Variants in DMP1 observed in about 807,000 individuals in gnomAD.
DMP1 encodes dentin matrix protein 1.
A neutral mutation model predicts 14.6 loss-of-function variants in DMP1; 20 were observed. That is an observed-to-expected ratio of 1.37 (90% CI 0.96 to 1.99). The LOEUF (loss-of-function observed/expected upper bound fraction) is 1.99, where lower values mean the gene tolerates loss of function less well. Among genes scored for constraint, DMP1 ranks in the 30% most tolerant of loss-of-function variants. The probability of loss-of-function intolerance (pLI) is 0.00; values close to 1 mark genes in which losing one functional copy is unlikely to be tolerated. For missense variants in DMP1, 567 were observed against 620.5 expected, an observed-to-expected ratio of 0.91 and a Z score of 0.92; for synonymous variants, 197 against 215.3, an observed-to-expected ratio of 0.91 and a Z score of 0.75.
intron 1 of DMP1, among the ~76,000 whole-genome samples, chr4:87,655,337 GT>G (rs1728655480): frequency 6.6e-6 from 1 of 152,102 alleles, no homozygotes; most frequent in South Asian, 2.1e-4. Flanking sequence ...AAAACAAAGT[GT>G]TTTCCAAAGC....
In DMP1 at chr4:87,656,557, G is replaced by A. The variant is rs1309023049; in HGVS notation, c.54+11G>A. 1 of 1,585,910 alleles carries A rather than the reference G, an allele frequency of 6.3e-7. No individual in the cohort carries two copies. ...TCCTGTGCTCTCCCAGTAAGTATTA[G>A]GGTAGGGATATATGAAAAAACCCTT... On this transcript the variant is annotated intron_variant, in intron 2 of 5. Transcript: ENST00000339673.
rs747215427 is a variant in DMP1 at position 87,662,045 on chromosome 4, T to C, written c.267T>C (p.Gly89=). The change falls in exon 6 of 6, where the codon GGT becomes GGC. Residue 89 remains glycine (G), a synonymous_variant. Transcript: ENST00000339673. ...DDHQYIYRLA[G]GFSRSTGKGG... is the part of the protein sequence containing the mutation. ...ATCAATACATTTATAGGCTAGCTGG[T>C]GGCTTCTCCAGGAGCACAGGAAAAG... 1.9e-6 allele frequency: 3 copies of C among 1,614,152 alleles called. No homozygotes were observed. The highest frequency in any genetic ancestry group is 1.1e-5 in the South Asian group (1 of 91,082).
At chr4:87,658,121 T>TC (rs1292297972) in intron 3 of DMP1, among the ~76,000 whole-genome samples, 1 of 152,218 alleles carries the variant, frequency 6.6e-6, no homozygotes, top group African/African-American at 2.4e-5. Flanking sequence ...AATGTCTTGC[T>TC]CCCTTCCACC....
At position 87,663,248 on chromosome 4, in the gene DMP1, A is replaced by G. The variant is rs1254093967; in HGVS notation, c.1470A>G (p.Lys490=). The part of the protein sequence containing the change: ...QLKNIEIESR[K]LTVDAYHNKP... ...AAAACATTGAGATAGAGAGCCGGAA[A>G]TTAACAGTTGATGCCTATCACAACA... The change falls in exon 6 of 6, where the codon AAA becomes AAG. Residue 490 remains lysine (K), a synonymous_variant. Coordinates refer to ENST00000339673, the MANE Select transcript of DMP1 (RefSeq NM_004407.4). 6.2e-7 allele frequency: 1 copy of G among 1,614,156 alleles called. No homozygotes were observed. Among genetic ancestry groups the G allele is most frequent in the African/African-American group, 1.3e-5 (1 of 74,950 alleles).
chr4:87,655,878 T>C (rs1728675639), intron 1 of DMP1, among the ~76,000 whole-genome samples: 1 of 152,238 alleles, frequency 6.6e-6, no homozygotes, highest in African/African-American at 2.4e-5. Flanking sequence ...CAATTTATCA[T>C]ACTTTATGTG....
chr4:87,650,457 C>A (rs1728505833), intron 1 of DMP1, 73 bp downstream of exon 1: 1 of 152,054 alleles, frequency 6.6e-6, no homozygotes, highest in South Asian at 2.1e-4. Context: ...AATATGTATA[C>A]ATGTTTGAGG....
chr4:87,659,478 G>A lies in DMP1; in HGVS notation c.183G>A (p.Gln61=). The change falls in exon 5 of 6, where the codon CAG becomes CAA. Residue 61 remains glutamine (Q), a splice_region_variant and synonymous_variant. Coordinates refer to ENST00000339673, the MANE Select transcript of DMP1 (RefSeq NM_004407.4). ...GCAGTAAAGTTAGCTCAGAGGAACAGGTAATTAAACAGACCTTTCTTAACT... is the reference window on the plus strand; with the variant it reads ...GCAGTAAAGTTAGCTCAGAGGAACAAGTAATTAAACAGACCTTTCTTAACT... ...SEGSKVSSEE[Q]ANEDPSDSTQ... The A allele has an allele frequency of 6.2e-7, 1 of 1,613,764 alleles. No individual in the cohort carries two copies. The highest frequency in any genetic ancestry group is 1.1e-5 in the South Asian group (1 of 91,068).
At chr4:87,661,912 C>T (rs756528645) in intron 5 of DMP1, 50 bp from the exon 6 acceptor site, 2 of 1,613,710 alleles carry the variant, frequency 1.2e-6, no homozygotes, top group Admixed American at 3.3e-5. Context: ...ATAACTCCTT[C>T]TCTATCGGTT....
chr4:87,657,044 CAAAAT>C lies in DMP1; in HGVS notation c.70_74del (p.Asn24Ter). The C allele has an allele frequency of 1.3e-6, 2 of 1,555,540 alleles. No homozygotes were observed. The highest frequency in any genetic ancestry group is 1.8e-6 in the Non-Finnish European group (2 of 1,127,278). ...CTAAATTTTCTAGGTAACCAGGTAT[CAAAAT>C]AATGAATCTGAGGATTCTGAAGAAT... is the stretch of plus-strand genomic sequence containing the variant. On this transcript the variant is annotated frameshift_variant, in exon 3 of 6. Coordinates refer to ENST00000339673, the MANE Select transcript of DMP1 (RefSeq NM_004407.4). LOFTEE classifies it high-confidence loss of function.
At chr4:87,657,147 T>C in intron 3 of DMP1, 68 bp downstream of exon 3, 1 of 915,530 alleles carries the variant, frequency 1.1e-6, no homozygotes, top group Admixed American at 1.8e-5. Flanking sequence ...CAAATTGATT[T>C]CATTGCAAAT....
intron 5 of DMP1, among the ~76,000 whole-genome samples, chr4:87,661,257 G>C: frequency 8.3e-6 from 1 of 120,496 alleles, no homozygotes; most frequent in African/African-American, 3.2e-5. Flanking sequence ...GAGTCTCGCT[G>C]TCGCCCAGGC....
intron 2 of DMP1, 116 bp from the exon 3 acceptor site, chr4:87,656,916 A>G (rs1728714891): frequency 2.7e-6 from 2 of 738,834 alleles, no homozygotes; most frequent in Non-Finnish European, 4.9e-6. Flanking sequence ...AAGGCCTCCC[A>G]GTGATTCTGA....
chr4:87,659,296 A>G (rs1371317181), intron 4 of DMP1, 44 bp downstream of exon 4: 10 of 1,609,172 alleles, frequency 6.2e-6, no homozygotes, highest in Non-Finnish European at 8.5e-6. Flanking sequence ...TCATGAAGTA[A>G]CTTTAACACT....
Position 87,663,085 on chromosome 4 carries a change from A to C in DMP1, c.1307A>C (p.His436Pro), listed in dbSNP as rs1728972136. 1 of 1,614,082 alleles carries C rather than the reference A, an allele frequency of 6.2e-7. No individual in the cohort carries two copies. Among genetic ancestry groups the C allele is most frequent in the Admixed American group, 1.7e-5 (1 of 60,008 alleles). ...TCCAGCCAGGAGGGCCTCCAGTCTC[A>C]CAGCAGCTCAGCAGAGAGTCAGAGC... is the stretch of plus-strand genomic sequence containing the variant. ...NSSSQEGLQS[H>P]SSSAESQSEE... The change falls in exon 6 of 6, where the codon CAC becomes CCC. Residue 436 changes from histidine (H) to proline (P), a missense_variant. Transcript: ENST00000339673.
chr4:87,657,985 T>G (rs1454586661), intron 3 of DMP1, among the ~76,000 whole-genome samples: 1 of 152,314 alleles, frequency 6.6e-6, no homozygotes, highest in Admixed American at 6.5e-5. Flanking sequence ...TATTATGAAC[T>G]TTCTTCAGAG....
chr4:87,661,063 G>A (rs939630248), intron 5 of DMP1, among the ~76,000 whole-genome samples: 34 of 152,290 alleles, frequency 2.2e-4, no homozygotes, highest in Admixed American at 9.1e-4. Context: ...GTTTGAGACG[G>A]AGTCTCGCTC....
chr4:87,663,300 G>T lies in DMP1; in HGVS notation c.1522G>T (p.Asp508Tyr). ...NKPIGDQDDN[D>Y]CQDGY ...ACCCATTGGGGACCAAGATGACAAT[G>T]ACTGCCAAGACGGCTATTAGCATCA... Residue 508 changes from aspartate (D) to tyrosine (Y), a missense_variant, in exon 6 of 6, where the codon GAC becomes TAC. Coordinates refer to ENST00000339673, the MANE Select transcript of DMP1 (RefSeq NM_004407.4). The T allele has an allele frequency of 6.2e-7, 1 of 1,614,220 alleles. No homozygotes were observed. Among genetic ancestry groups the T allele is most frequent in the South Asian group, 1.1e-5 (1 of 91,064 alleles).
chr4:87,659,043 A>C, intron 3 of DMP1, 177 bp from the exon 4 acceptor site: 1 of 656,514 alleles, frequency 1.5e-6, no homozygotes, highest in South Asian at 1.9e-5. Context: ...TCAAGCCATT[A>C]GTCATTTTAC....
At chr4:87,657,299 T>C in intron 3 of DMP1, 1 of 427,254 alleles carries the variant, frequency 2.3e-6, no homozygotes, top group South Asian at 3.0e-5. Flanking sequence ...TTATAATGGA[T>C]GTGTATAATA....
Sources: gnomAD v4.1 joint callset for allele counts (sites outside exome capture counted in the v4.1 genomes callset) on GRCh38, gnomAD v4.1.1 for gene constraint, MANE v1.5 for transcripts, NCBI Gene and HGNC (gene_info 2026-07-23, HGNC 2026-07-21) for gene names.